The following JAKMIP2 variants were observed in gnomAD, a reference collection of about 807,000 sequenced individuals.
JAKMIP2 encodes janus kinase and microtubule interacting protein 2.
JAKMIP2 carries 25 observed loss-of-function variants against 115.0 expected under a neutral mutation model. That is an observed-to-expected ratio of 0.22 (90% CI 0.16 to 0.30). The LOEUF (loss-of-function observed/expected upper bound fraction) is 0.30, where lower values mean the gene tolerates loss of function less well. Ranked by LOEUF, JAKMIP2 falls within the 10% of genes least tolerant of loss-of-function variation. The pLI, the probability that JAKMIP2 is intolerant of heterozygous loss-of-function variation, is 1.00. For missense variants in JAKMIP2, 642 were observed against 957.6 expected (o/e 0.67, Z 4.35); for synonymous variants, 334 against 343.6 (o/e 0.97, Z 0.31).
intron 3 of JAKMIP2, among the ~76,000 whole-genome samples, chr5:147,656,616 T>G (rs1324151151): frequency 6.6e-6 from 1 of 152,248 alleles, no homozygotes; most frequent in Non-Finnish European, 1.5e-5. Flanking sequence ...TACAGCACGC[T>G]GATGGGTCTT....
At chr5:147,604,523 T>C (rs1755892240) in intron 20 of JAKMIP2, among the ~76,000 whole-genome samples, 1 of 152,138 alleles carries the variant, frequency 6.6e-6, no homozygotes, top group South Asian at 2.1e-4. Flanking sequence ...TCTAGCTACT[T>C]GAGCCCACCA....
chr5:147,757,217 G>A (rs1297664451), intron 1 of JAKMIP2, among the ~76,000 whole-genome samples: 1 of 152,026 alleles, frequency 6.6e-6, no homozygotes, highest in African/African-American at 2.4e-5. Flanking sequence ...AAAGGATAGA[G>A]GTAGCCACTG....
intron 6 of JAKMIP2, among the ~76,000 whole-genome samples, chr5:147,644,514 G>A (rs1473022699): frequency 1.3e-5 from 2 of 152,158 alleles, no homozygotes. Flanking sequence ...TAGAAGACAA[G>A]GTGTGCCTGG....
At chr5:147,769,556 G>A (rs1178308312) in intron 1 of JAKMIP2, among the ~76,000 whole-genome samples, 1 of 151,942 alleles carries the variant, frequency 6.6e-6, no homozygotes, top group East Asian at 1.9e-4. Flanking sequence ...ACCCACTATA[G>A]ACTAATGAAA....
In JAKMIP2 at chr5:147,671,927, G is replaced by A. The variant is rs552224746; in HGVS notation, c.-121C>T. On this transcript the variant is annotated 5_prime_UTR_variant, in exon 2 of 22. Transcript: ENST00000616793. The stretch of plus-strand genomic sequence containing the variant: ...TCTACTGTGTGGTGCTCCTTGGTAA[G>A]GTCTCCTCAATCGCTGCCCTGGAAG... The A allele has an allele frequency of 4.5e-6, 6 of 1,340,542 alleles. No individual in the cohort carries two copies. Among genetic ancestry groups the A allele is most frequent in the South Asian group, 2.2e-5 (1 of 44,518 alleles). The allele number at this position is 1,340,542 out of a possible 1,614,324, so 83.0% of individuals were successfully genotyped here.
intron 12 of JAKMIP2, among the ~76,000 whole-genome samples, chr5:147,633,096 C>T (rs943969878): frequency 6.6e-6 from 1 of 152,082 alleles, no homozygotes; most frequent in Non-Finnish European, 1.5e-5. Flanking sequence ...CTACTAGAAC[C>T]AAATTTAATG....
intron 1 of JAKMIP2, among the ~76,000 whole-genome samples, chr5:147,761,845 A>G (rs562187893): frequency 1.5e-3 from 229 of 152,296 alleles, no homozygotes; most frequent in Middle Eastern, 3.4e-3. Context: ...ATAATAATAA[A>G]AGTAATTAAA....
At chr5:147,639,604 C>G (rs1757783388) in intron 10 of JAKMIP2, 28 bp downstream of exon 10, 1 of 1,594,026 alleles carries the variant, frequency 6.3e-7, no homozygotes, top group Non-Finnish European at 8.5e-7. Flanking sequence ...CACGCTAATT[C>G]AGAGCACTCT....
chr5:147,683,612 G>T (rs932758651), intron 1 of JAKMIP2, among the ~76,000 whole-genome samples: 17 of 152,158 alleles, frequency 1.1e-4, no homozygotes, highest in African/African-American at 4.1e-4. Context: ...CTGACAGCAA[G>T]ATTTTCTATT....
At chr5:147,706,461 G>A (rs944870026) in intron 1 of JAKMIP2, among the ~76,000 whole-genome samples, 111 of 152,216 alleles carry the variant, frequency 7.3e-4, no homozygotes, top group African/African-American at 2.5e-3. Context: ...TGAGACTATA[G>A]GAACGTGCCA....
chr5:147,663,451 A>G (rs981082072), intron 2 of JAKMIP2, among the ~76,000 whole-genome samples: 3 of 152,178 alleles, frequency 2.0e-5, no homozygotes, highest in African/African-American at 7.2e-5. Context: ...GCCCTTGGAT[A>G]TCAGACTCCA....
intron 1 of JAKMIP2, among the ~76,000 whole-genome samples, chr5:147,720,929 T>G (rs1337304490): frequency 1.3e-5 from 2 of 151,370 alleles, no homozygotes; most frequent in Admixed American, 6.6e-5. Flanking sequence ...GGCGCTCTGC[T>G]TTTTAGAGTT....
rs79213405 is a variant in JAKMIP2, at chr5:147,627,811, A to T, written c.1995+940T>A. Among the ~76,000 whole-genome samples the T allele has an allele frequency of 6.3e-3, 958 of 151,582 alleles. 52 individuals carry two copies. The East Asian group carries it at 0.13, about 21-fold the overall frequency. On this transcript the variant is annotated intron_variant, in intron 16 of 21. Coordinates refer to ENST00000616793, the MANE Select transcript of JAKMIP2 (RefSeq NM_001270941.2). ...CAGTTGTCAACAAAATGTCCTTTTT[A>T]AAAAACACCTGGTTAAGTGTCTTTT...
intron 21 of JAKMIP2, among the ~76,000 whole-genome samples, chr5:147,594,188 AT>A (rs1755236991): frequency 6.6e-6 from 1 of 152,206 alleles, no homozygotes; most frequent in Non-Finnish European, 1.5e-5. Context: ...ATTTATTCAA[AT>A]TAGCATTCTG....
rs577368696 is a variant in JAKMIP2, at chr5:147,736,607, T to C, written c.-149+45849A>G. Among the ~76,000 whole-genome samples the C allele has an allele frequency of 2.1e-4, 32 of 152,230 alleles. No individual in the cohort carries two copies. The East Asian group carries it at 2.7e-3, about 13-fold the overall frequency. On this transcript the variant is annotated intron_variant, in intron 1 of 21. Coordinates refer to ENST00000616793, the MANE Select transcript of JAKMIP2 (RefSeq NM_001270941.2). ...ATTTAATCAAAACCCTGTACTTTTA[T>C]GAGGTTGGATATTTATATGTTGGAT...
intron 1 of JAKMIP2, among the ~76,000 whole-genome samples, chr5:147,753,224 G>A (rs1396166351): frequency 6.6e-6 from 1 of 152,176 alleles, no homozygotes; most frequent in Non-Finnish European, 1.5e-5. Flanking sequence ...TGAAGAAATA[G>A]TAACCGGTTA....
At chr5:147,758,347 G>A (rs1226267494) in intron 1 of JAKMIP2, among the ~76,000 whole-genome samples, 2 of 152,098 alleles carry the variant, frequency 1.3e-5, no homozygotes, top group African/African-American at 2.4e-5. Flanking sequence ...ATTTTTAGGA[G>A]AGGTAAAAAT....
Position 147,623,617 on chromosome 5 carries a change from T to C in JAKMIP2, c.2064+4A>G. 1.3e-6 allele frequency: 2 copies of C among 1,587,580 alleles called. No homozygotes were observed. Among genetic ancestry groups the C allele is most frequent in the South Asian group, 1.1e-5 (1 of 90,484 alleles). Reference sequence around the variant, plus strand: ...ATTTTTACAATATCTCATCTTGTACTTACCATGTCACTTTCCAATTCCATC... The same window carrying C: ...ATTTTTACAATATCTCATCTTGTACCTACCATGTCACTTTCCAATTCCATC... On this transcript the variant is annotated splice_donor_region_variant and intron_variant, in intron 17 of 21. Coordinates refer to ENST00000616793, the MANE Select transcript of JAKMIP2 (RefSeq NM_001270941.2).
chr5:147,615,384 T>A (rs71580441), intron 19 of JAKMIP2, among the ~76,000 whole-genome samples: 3,467 of 152,178 alleles, frequency 0.023, 62 homozygotes, highest in Middle Eastern at 0.045. Context: ...CAACAAGGGC[T>A]TAGAGGTGGA....
Sources: gnomAD v4.1 joint callset for allele counts (sites outside exome capture counted in the v4.1 genomes callset) on GRCh38, gnomAD v4.1.1 for gene constraint, MANE v1.5 for transcripts, NCBI Gene and HGNC (gene_info 2026-07-23, HGNC 2026-07-21) for gene names.